ARMH4: variants seen among roughly 807,000 people sequenced by gnomAD.
The protein encoded by ARMH4 is armadillo like helical domain containing 4.
ARMH4 carries 49 observed loss-of-function variants against 61.9 expected under a neutral mutation model. The ratio of observed to expected loss-of-function variants is 0.79; its 90% CI spans 0.63 to 1.00. The LOEUF (loss-of-function observed/expected upper bound fraction) is 1.00, where lower values mean the gene tolerates loss of function less well. Ranked by LOEUF, ARMH4 falls within the 50% of genes least tolerant of loss-of-function variation. ARMH4 has a pLI of 0.00. For synonymous variants in ARMH4, 368 were observed against 341.5 expected (o/e 1.08, Z -0.85); for missense variants, 934 against 930.0 (o/e 1.00, Z -0.06).
At chr14:58,107,339 T>C (rs1472230605) in intron 4 of ARMH4, among the ~76,000 whole-genome samples, 6 of 152,264 alleles carry the variant, frequency 3.9e-5, no homozygotes, top group African/African-American at 1.4e-4. Flanking sequence ...ACCTGTATTT[T>C]CTGCCTTTTT....
rs1231301392 is a variant in ARMH4 at position 58,004,124 on chromosome 14, G to A, written c.*612C>T. The A allele has an allele frequency of 6.6e-6, 1 of 152,116 alleles. No individual in the cohort carries two copies. Among genetic ancestry groups the A allele is most frequent in the Non-Finnish European group, 1.5e-5 (1 of 68,022 alleles). 9.4% of individuals were successfully genotyped at this position (152,116 alleles called of 1,614,324 possible). ...TTCCTCGCCAAGAATAAAACGGAAG[G>A]TGAGAATAATAAAACTAGGAGACTG... On this transcript the variant is annotated 3_prime_UTR_variant, in exon 8 of 8. Coordinates refer to ENST00000267485, the MANE Select transcript of ARMH4 (RefSeq NM_001001872.4).
intron 4 of ARMH4, among the ~76,000 whole-genome samples, chr14:58,124,833 A>T (rs1177753595): frequency 1.3e-5 from 2 of 152,214 alleles, no homozygotes; most frequent in East Asian, 3.8e-4. Flanking sequence ...CTTAAAAGTA[A>T]TCCCCTCACT....
chr14:58,141,167 T>C (rs1887536644), intron 1 of ARMH4: 1 of 243,172 alleles, frequency 4.1e-6, no homozygotes, highest in Non-Finnish European at 8.1e-6. Flanking sequence ...CATCATTAAA[T>C]GCTGAATACC....
intron 5 of ARMH4, among the ~76,000 whole-genome samples, chr14:58,016,057 C>A (rs895070791): frequency 6.6e-6 from 1 of 151,868 alleles, no homozygotes; most frequent in Admixed American, 6.6e-5. Context: ...GATTTGCAAT[C>A]CATATCAAAA....
chr14:58,055,028 T>C (rs536958395), intron 5 of ARMH4, among the ~76,000 whole-genome samples: 1 of 152,242 alleles, frequency 6.6e-6, no homozygotes, highest in East Asian at 1.9e-4. Context: ...TACACCTGGA[T>C]TTCAAGAAAG....
chr14:58,121,945 G>C (rs1886737818), intron 4 of ARMH4, among the ~76,000 whole-genome samples: 1 of 152,140 alleles, frequency 6.6e-6, no homozygotes, highest in Non-Finnish European at 1.5e-5. Flanking sequence ...GCAACTGGGG[G>C]AGAAAGACCC....
At chr14:58,032,171 GA>G (rs1883263953) in intron 5 of ARMH4, among the ~76,000 whole-genome samples, 1 of 152,106 alleles carries the variant, frequency 6.6e-6, no homozygotes, top group African/African-American at 2.4e-5. Context: ...CTCTCATCTG[GA>G]GAACCCAGAT....
intron 5 of ARMH4, among the ~76,000 whole-genome samples, chr14:58,046,240 AC>A (rs1883937761): frequency 6.6e-6 from 1 of 152,174 alleles, no homozygotes; most frequent in Non-Finnish European, 1.5e-5. Context: ...CTAGAGATGG[AC>A]CAATACGTTT....
intron 5 of ARMH4, among the ~76,000 whole-genome samples, chr14:58,094,069 C>T (rs1449017038): frequency 6.6e-6 from 1 of 152,066 alleles, no homozygotes; most frequent in Non-Finnish European, 1.5e-5. Context: ...GTGGGTCATG[C>T]CTGTAACCCC....
At chr14:58,128,457 T>C (rs1328757416) in intron 4 of ARMH4, among the ~76,000 whole-genome samples, 1 of 152,206 alleles carries the variant, frequency 6.6e-6, no homozygotes, top group Non-Finnish European at 1.5e-5. Context: ...CTCGTAGAGG[T>C]ATGCCTGAAA....
At chr14:58,028,874 G>A (rs1337819166) in intron 5 of ARMH4, among the ~76,000 whole-genome samples, 1 of 152,158 alleles carries the variant, frequency 6.6e-6, no homozygotes, top group Non-Finnish European at 1.5e-5. Context: ...CAGAAATCCA[G>A]GCTCAACTTC....
intron 5 of ARMH4, among the ~76,000 whole-genome samples, chr14:58,068,987 C>T (rs898467139): frequency 7.2e-6 from 1 of 138,896 alleles, no homozygotes; most frequent in Non-Finnish European, 1.5e-5. Context: ...GCCTAGGTGA[C>T]AGAGTGAGAC....
intron 5 of ARMH4, among the ~76,000 whole-genome samples, chr14:58,060,765 C>T (rs1298378894): frequency 2.6e-5 from 4 of 152,132 alleles, no homozygotes; most frequent in African/African-American, 7.2e-5. Flanking sequence ...AAGGTATCTC[C>T]GGGGTGTTTG....
chr14:58,088,155 A>C (rs1885440285), intron 5 of ARMH4, among the ~76,000 whole-genome samples: 1 of 152,208 alleles, frequency 6.6e-6, no homozygotes, highest in Non-Finnish European at 1.5e-5. Flanking sequence ...GGATATAAAT[A>C]CATAAGAGGA....
chr14:58,073,486 T>G (rs556118624), intron 5 of ARMH4, among the ~76,000 whole-genome samples: 2 of 152,352 alleles, frequency 1.3e-5, no homozygotes, highest in Non-Finnish European at 2.9e-5. Flanking sequence ...GGCACATTCA[T>G]GTTCACTGAC....
At chr14:58,073,894 T>C (rs771851697) in intron 5 of ARMH4, among the ~76,000 whole-genome samples, 19 of 152,198 alleles carry the variant, frequency 1.2e-4, no homozygotes, top group Non-Finnish European at 2.6e-4. Context: ...GCTAGGGTTG[T>C]TAGAATTATT....
chr14:58,076,026 A>C (rs1237871909), intron 5 of ARMH4, among the ~76,000 whole-genome samples: 1 of 151,208 alleles, frequency 6.6e-6, no homozygotes, highest in Non-Finnish European at 1.5e-5. Context: ...AAGAATAAGA[A>C]AGAAGGAAGA....
At chr14:58,016,355 A>G (rs1395427755) in intron 5 of ARMH4, among the ~76,000 whole-genome samples, 4 of 152,208 alleles carry the variant, frequency 2.6e-5, no homozygotes, top group Non-Finnish European at 5.9e-5. Context: ...ATTGCAAAGG[A>G]AAAAAACAGT....
intron 5 of ARMH4, among the ~76,000 whole-genome samples, chr14:58,067,198 G>A (rs183626619): frequency 3.7e-4 from 57 of 152,290 alleles, no homozygotes; most frequent in South Asian, 4.1e-4. Context: ...TACTATGAGA[G>A]GTGGACACTA....
Sources: allele counts gnomAD v4.1 joint callset (sites outside exome capture counted in the v4.1 genomes callset), GRCh38; gene constraint gnomAD v4.1.1; transcripts MANE v1.5; gene names NCBI Gene and HGNC (gene_info 2026-07-23, HGNC 2026-07-21).